SGCZ: variants seen among roughly 807,000 people sequenced by gnomAD.
SGCZ encodes the protein zeta-sarcoglycan.
Under a neutral mutation model 41.3 loss-of-function variants are expected in SGCZ, and 40 were observed. The ratio of observed to expected loss-of-function variants is 0.97; its 90% CI spans 0.75 to 1.26. The LOEUF (loss-of-function observed/expected upper bound fraction) is 1.26. SGCZ is among the 50% of genes most tolerant of loss of function. The pLI is 0.00. For missense variants in SGCZ, 552 were observed against 369.8 expected (o/e 1.49, Z -4.04); for synonymous variants, 206 against 137.5 (o/e 1.50, Z -3.49).
At chr8:14,578,731 C>G (rs1463994) in intron 1 of SGCZ, among the ~76,000 whole-genome samples, 20,493 of 152,060 alleles carry the variant, frequency 0.13, 1,492 homozygotes, top group East Asian at 0.3. Context: ...TTCATGGTAA[C>G]AGTAAATAAA....
intron 1 of SGCZ, among the ~76,000 whole-genome samples, chr8:14,677,581 G>A (rs1467199053): frequency 6.6e-6 from 1 of 152,100 alleles, no homozygotes; most frequent in Non-Finnish European, 1.5e-5. Flanking sequence ...GGCCAGCCTG[G>A]CAAATACAGT....
intron 1 of SGCZ, among the ~76,000 whole-genome samples, chr8:14,823,798 T>C (rs201663141): frequency 6.6e-6 from 1 of 152,170 alleles, no homozygotes. Context: ...GCAGCACTGC[T>C]CACCATAGAC....
intron 1 of SGCZ, among the ~76,000 whole-genome samples, chr8:15,168,671 A>G (rs1327388560): frequency 6.6e-6 from 1 of 152,178 alleles, no homozygotes; most frequent in African/African-American, 2.4e-5. Context: ...GTAGCCATTC[A>G]TCTTCAGTCT....
chr8:14,219,564 T>C (rs977173127), intron 4 of SGCZ, among the ~76,000 whole-genome samples: 1 of 152,006 alleles, frequency 6.6e-6, no homozygotes, highest in Admixed American at 6.6e-5. Context: ...CTGGCCAACA[T>C]GATGAAACCC....
At chr8:14,452,263 A>G (rs1218585679) in intron 2 of SGCZ, among the ~76,000 whole-genome samples, 2 of 152,120 alleles carry the variant, frequency 1.3e-5, no homozygotes, top group Non-Finnish European at 2.9e-5. Context: ...GAAAAGCAAA[A>G]CTATGGAAAA....
At position 14,688,829 on chromosome 8, in the gene SGCZ, G is replaced by T. The variant is rs541233676; in HGVS notation, c.40-133903C>A. 3.9e-5 allele frequency among the ~76,000 whole-genome samples: 6 copies of T among 152,238 alleles called. 1 individual carries two copies. The highest frequency in any genetic ancestry group is 1.4e-4 in the African/African-American group (6 of 41,534). The stretch of plus-strand genomic sequence containing the variant: ...GAAAAGAGGAAGTCAAGCTGTCCCT[G>T]TTTGCAGACGACATGATTGTATATC... On this transcript the variant is annotated intron_variant, in intron 1 of 7. Coordinates refer to ENST00000382080, the MANE Select transcript of SGCZ (RefSeq NM_139167.4).
chr8:14,592,582 A>G (rs1456249480), intron 1 of SGCZ, among the ~76,000 whole-genome samples: 1 of 142,588 alleles, frequency 7.0e-6, no homozygotes, highest in Non-Finnish European at 1.6e-5. Flanking sequence ...ATATTTTATT[A>G]CTTTCCTTAT....
intron 3 of SGCZ, among the ~76,000 whole-genome samples, chr8:14,274,960 G>C (rs13275676): frequency 6.6e-6 from 1 of 151,844 alleles, no homozygotes; most frequent in Non-Finnish European, 1.5e-5. Context: ...AGGTTTGGTC[G>C]TTCATGATCT....
At chr8:15,104,235 C>T (rs529072349) in intron 1 of SGCZ, among the ~76,000 whole-genome samples, 4 of 152,160 alleles carry the variant, frequency 2.6e-5, no homozygotes, top group Non-Finnish European at 5.9e-5. Context: ...TTCCTACCCT[C>T]TCCATCTAAG....
intron 1 of SGCZ, among the ~76,000 whole-genome samples, chr8:15,134,503 C>A (rs946635350): frequency 3.3e-5 from 5 of 151,202 alleles, no homozygotes; most frequent in Admixed American, 1.3e-4. Flanking sequence ...TGAAAAATAG[C>A]GCATTTTTTT....
chr8:14,627,330 A>C lies in SGCZ; in HGVS notation c.40-72404T>G, dbSNP rs115395719. 3.5e-4 allele frequency among the ~76,000 whole-genome samples: 54 copies of C among 152,210 alleles called. 1 individual carries two copies. The highest frequency in any genetic ancestry group is 1.3e-3 in the African/African-American group (52 of 41,552). On this transcript the variant is annotated intron_variant, in intron 1 of 7. Transcript: ENST00000382080. Reference sequence around the variant, plus strand: ...CACACAAATATGAAATTTGCCTTCAATTTGGAGGGACGGATCATCAGCTCC... The same window carrying C: ...CACACAAATATGAAATTTGCCTTCACTTTGGAGGGACGGATCATCAGCTCC...
At chr8:14,914,161 C>G (rs1389856230) in intron 1 of SGCZ, among the ~76,000 whole-genome samples, 1 of 151,528 alleles carries the variant, frequency 6.6e-6, no homozygotes, top group Non-Finnish European at 1.5e-5. Context: ...TAACCTGCAA[C>G]CATATATATC....
intron 1 of SGCZ, among the ~76,000 whole-genome samples, chr8:14,712,600 T>C (rs918339709): frequency 6.6e-6 from 1 of 152,122 alleles, no homozygotes; most frequent in Non-Finnish European, 1.5e-5. Flanking sequence ...AATTCCCTTA[T>C]CACATGACTT....
chr8:14,237,690 T>C lies in SGCZ; in HGVS notation c.337-11A>G, dbSNP rs13269000. On this transcript the variant is annotated splice_polypyrimidine_tract_variant and intron_variant, in intron 3 of 7. Coordinates refer to ENST00000382080, the MANE Select transcript of SGCZ (RefSeq NM_139167.4). The stretch of plus-strand genomic sequence containing the variant: ...GACCAGCGGACTATCCTGGGAAACA[T>C]GTATAAAATAAATAAATAGAAAATA... 0.31 allele frequency: 491,115 copies of C among 1,599,412 alleles called. 81,584 individuals are homozygous for C. Among genetic ancestry groups the C allele is most frequent in the Non-Finnish European group, 0.35 (404,629 of 1,171,482 alleles).
At chr8:14,146,111 T>C (rs1803512942) in intron 5 of SGCZ, among the ~76,000 whole-genome samples, 1 of 152,052 alleles carries the variant, frequency 6.6e-6, no homozygotes, top group African/African-American at 2.4e-5. Context: ...ACCAAGCAGA[T>C]TCAACCCAAA....
At chr8:14,876,008 G>A (rs978709617) in intron 1 of SGCZ, among the ~76,000 whole-genome samples, 2 of 152,108 alleles carry the variant, frequency 1.3e-5, no homozygotes, top group African/African-American at 2.4e-5. Context: ...GGGAACTCTG[G>A]TAATTAACAA....
chr8:14,907,343 C>A (rs897990944), intron 1 of SGCZ, among the ~76,000 whole-genome samples: 3 of 152,042 alleles, frequency 2.0e-5, no homozygotes, highest in Admixed American at 6.6e-5. Flanking sequence ...TACAGGCACA[C>A]CACTATGCCT....
At chr8:14,102,192 C>T (rs1312399030) in intron 7 of SGCZ, among the ~76,000 whole-genome samples, 184 bp downstream of exon 7, 1 of 150,972 alleles carries the variant, frequency 6.6e-6, no homozygotes, top group Admixed American at 6.6e-5. Context: ...CCTGCCTTGG[C>T]CTCCCAAATA....
At chr8:14,475,952 C>G (rs1801347037) in intron 2 of SGCZ, among the ~76,000 whole-genome samples, 1 of 151,774 alleles carries the variant, frequency 6.6e-6, no homozygotes, top group African/African-American at 2.4e-5. Context: ...CATCCCACTA[C>G]AGGTTTGCGC....
Sources: allele counts gnomAD v4.1 joint callset (sites outside exome capture counted in the v4.1 genomes callset), GRCh38; gene constraint gnomAD v4.1.1; transcripts MANE v1.5; gene names NCBI Gene and HGNC (gene_info 2026-07-23, HGNC 2026-07-21).